WDR20: variants seen among roughly 807,000 people sequenced by gnomAD.
WDR20 encodes WD repeat-containing protein 20.
WDR20 carries 3 observed loss-of-function variants against 38.7 expected under a neutral mutation model. The ratio of observed to expected loss-of-function variants is 0.08; its 90% CI spans 0.04 to 0.20. The LOEUF (loss-of-function observed/expected upper bound fraction) is 0.20. Among genes scored for constraint, WDR20 ranks in the 10% least tolerant of loss-of-function variants. WDR20 has a pLI of 1.00. For missense variants in WDR20, 559 were observed against 727.7 expected, an observed-to-expected ratio of 0.77 and a Z score of 2.67; for synonymous variants, 298 against 285.6, an observed-to-expected ratio of 1.04 and a Z score of -0.44.
At chr14:102,162,262 C>T (rs1185691415) in intron 1 of WDR20, among the ~76,000 whole-genome samples, 1 of 152,152 alleles carries the variant, frequency 6.6e-6, no homozygotes, top group Non-Finnish European at 1.5e-5. Flanking sequence ...ACATTGAGTG[C>T]ACCTTTGACT....
downstream of WDR20, chr14:102,213,464 G>T: frequency 1.0e-6 from 1 of 985,436 alleles, no homozygotes. Flanking sequence ...GGGACTGAGG[G>T]TAAATGCCTT....
intron 2 of WDR20, among the ~76,000 whole-genome samples, chr14:102,197,048 C>T (rs1443876592): frequency 6.6e-6 from 1 of 152,190 alleles, no homozygotes; most frequent in Admixed American, 6.5e-5. Flanking sequence ...AAGTAGTCAT[C>T]GTGTCGTGCT....
At chr14:102,212,923 C>T (rs555070615), downstream of WDR20, 33 of 1,085,338 alleles carry the variant, frequency 3.0e-5, no homozygotes, top group Admixed American at 4.4e-5. Context: ...GTTAAATACT[C>T]AGTCAGCATC....
Position 102,221,147 on chromosome 14 carries a change from C to A in WDR20, c.1693-1683C>A, listed in dbSNP as rs117679726. On this transcript the variant is annotated intron_variant, in intron 3 of 3. Coordinates refer to the WDR20 transcript ENST00000335263. This position sits in a 1 kb window ranked among gnomAD's most constrained non-coding sequence, Gnocchi z 4.8. ...TGGGGCTGCCTCCTACCTGGAGCAG[C>A]ACTCACCTCCACCTGGCACTCCGTG... Among the ~76,000 whole-genome samples, 845 of 152,308 alleles carry A rather than the reference C, an allele frequency of 5.5e-3. 18 individuals carry two copies. Among genetic ancestry groups the A allele is most frequent in the East Asian group, 0.034 (177 of 5,168 alleles).
chr14:102,212,741 C>T (rs921666936), downstream of WDR20: 20 of 1,412,286 alleles, frequency 1.4e-5, no homozygotes, highest in Non-Finnish European at 1.7e-5. Context: ...AGGTGCAATG[C>T]GTGCTGCTAA....
chr14:102,203,470 C>CAA (rs1180157511), intron 2 of WDR20, among the ~76,000 whole-genome samples: 2 of 152,164 alleles, frequency 1.3e-5, no homozygotes, highest in Non-Finnish European at 2.9e-5. Context: ...GTGCAAGCGT[C>CAA]AGGGTCCCAG....
At chr14:102,211,140 TG>T (rs2062470014), downstream of WDR20, among the ~76,000 whole-genome samples, 2 of 152,224 alleles carry the variant, frequency 1.3e-5, no homozygotes, top group South Asian at 4.1e-4. The surrounding 1 kb of genome is among the most constrained non-coding windows in gnomAD (Gnocchi z 4.2). Context: ...GTTTTCCCAG[TG>T]GGTGAGATGG....
chr14:102,214,606 A>G (rs1170899402), downstream of WDR20: 2 of 985,182 alleles, frequency 2.0e-6, no homozygotes, highest in Non-Finnish European at 2.4e-6. Context: ...TCATTTCTGT[A>G]TACTTGAGTT....
At chr14:102,161,748 T>C (rs897237552) in intron 1 of WDR20, among the ~76,000 whole-genome samples, 4 of 151,978 alleles carry the variant, frequency 2.6e-5, no homozygotes, top group Non-Finnish European at 5.9e-5. Flanking sequence ...TTCAGCCCGG[T>C]TTAGGTGGCA....
intron 1 of WDR20, among the ~76,000 whole-genome samples, chr14:102,159,402 G>T (rs549980301): frequency 7.2e-5 from 11 of 152,192 alleles, no homozygotes; most frequent in Admixed American, 7.2e-4. Context: ...CTGGGAGCCT[G>T]TTGGAAGTGC....
In WDR20 at chr14:102,209,973, A is replaced by C; in HGVS notation, c.*93A>C. 1 of 1,491,560 alleles carries C rather than the reference A, an allele frequency of 6.7e-7. No homozygotes were observed. The highest frequency in any genetic ancestry group is 8.9e-7 in the Non-Finnish European group (1 of 1,129,424). 92.4% of individuals were successfully genotyped at this position (1,491,560 alleles called of 1,614,324 possible). A position where few individuals can be genotyped will look rare whatever the true frequency, so the allele number is the denominator to read the frequency against. ...ACAATGAATGTGAATGACACTTCTTATTCTTAATGTAAATCTCAATGCATC... is the reference window on the plus strand; with the variant it reads ...ACAATGAATGTGAATGACACTTCTTCTTCTTAATGTAAATCTCAATGCATC... On this transcript the variant is annotated 3_prime_UTR_variant, in exon 3 of 3. Coordinates refer to ENST00000342702, the MANE Select transcript of WDR20 (RefSeq NM_144574.4). This position sits in a 1 kb window ranked among gnomAD's most constrained non-coding sequence, Gnocchi z 6.0.
intron 1 of WDR20, among the ~76,000 whole-genome samples, chr14:102,141,093 C>G (rs1041511955): frequency 6.6e-5 from 10 of 152,098 alleles, no homozygotes; most frequent in African/African-American, 2.4e-4. Context: ...TAGAGTTTTT[C>G]TTTCATTGGC....
chr14:102,200,457 A>ATTTT (rs746438768), intron 2 of WDR20, among the ~76,000 whole-genome samples: 373 of 110,956 alleles, frequency 3.4e-3, no homozygotes, highest in African/African-American at 5.2e-3. Context: ...TACTTTTTAA[A>ATTTT]TTTTTTTTTT....
downstream of WDR20, chr14:102,212,560 G>A (rs940590204): frequency 7.1e-5 from 109 of 1,535,846 alleles, no homozygotes; most frequent in Non-Finnish European, 9.4e-5. Flanking sequence ...AGGATGCAAG[G>A]TGTTCTCCAA....
chr14:102,172,129 A>G (rs1277147035), intron 1 of WDR20, among the ~76,000 whole-genome samples: 2 of 151,480 alleles, frequency 1.3e-5, no homozygotes, highest in African/African-American at 4.8e-5. Context: ...TGCTGCCTTC[A>G]AGCATCTGTT....
chr14:102,169,294 C>T (rs151071906), intron 1 of WDR20, among the ~76,000 whole-genome samples: 4 of 152,302 alleles, frequency 2.6e-5, no homozygotes, highest in Admixed American at 1.3e-4. Context: ...TTAGCCCTGC[C>T]CAGAAAGGCA....
chr14:102,146,502 G>A (rs1017637633), intron 1 of WDR20, among the ~76,000 whole-genome samples: 4 of 152,130 alleles, frequency 2.6e-5, no homozygotes, highest in African/African-American at 9.7e-5. Context: ...TGAAGTTGGG[G>A]CCAGAAGAAG....
intron 1 of WDR20, among the ~76,000 whole-genome samples, chr14:102,156,334 A>AT (rs1315549145): frequency 6.6e-6 from 1 of 150,416 alleles, no homozygotes; most frequent in Non-Finnish European, 1.5e-5. Context: ...CGTCCAGCTC[A>AT]TTTTTTTGTG....
At chr14:102,204,913 A>G (rs1366834708) in intron 2 of WDR20, among the ~76,000 whole-genome samples, 1 of 152,210 alleles carries the variant, frequency 6.6e-6, no homozygotes, top group African/African-American at 2.4e-5. Context: ...TTAGAAAAGA[A>G]TGAGGATGCT....
Sources: gnomAD v4.1 joint callset for allele counts (sites outside exome capture counted in the v4.1 genomes callset) on GRCh38, gnomAD v4.1.1 for gene constraint, Gnocchi (gnomAD v3.1) non-coding constraint, MANE v1.5 for transcripts, NCBI Gene and HGNC (gene_info 2026-07-23, HGNC 2026-07-21) for gene names.